Variants in LTAP1 observed in about 807,000 individuals in gnomAD.
The protein encoded by LTAP1 is HCV NS5A-transactivated protein 4.
the LTAP1 span, among the ~76,000 whole-genome samples, chr1:154,217,360 G>A: frequency 2.6e-5 from 4 of 152,190 alleles, no homozygotes; most frequent in South Asian, 6.2e-4. Context: ...TCACCACCAC[G>A]TCAATCAAAG....
the LTAP1 span, among the ~76,000 whole-genome samples, chr1:154,211,061 C>T: frequency 6.6e-6 from 1 of 151,354 alleles, no homozygotes. Flanking sequence ...AGCTGAAGTG[C>T]AATGGCATGA....
At chr1:154,218,278 C>T in the LTAP1 span, among the ~76,000 whole-genome samples, 1 of 152,136 alleles carries the variant, frequency 6.6e-6, no homozygotes, top group African/African-American at 2.4e-5. Flanking sequence ...CAGACAATGA[C>T]CAGTTATTTT....
the LTAP1 span, among the ~76,000 whole-genome samples, chr1:154,218,753 T>C: frequency 6.6e-6 from 1 of 151,882 alleles, no homozygotes; most frequent in Non-Finnish European, 1.5e-5. Context: ...TGAACAAAAC[T>C]GGCATGGTGC....
the LTAP1 span, among the ~76,000 whole-genome samples, chr1:154,219,410 A>G: frequency 1.3e-5 from 2 of 152,222 alleles, no homozygotes; most frequent in Admixed American, 6.5e-5. Flanking sequence ...TCTTGGTAAC[A>G]TGAATGGTGG....
At chr1:154,209,671 C>G in the LTAP1 span, among the ~76,000 whole-genome samples, 1 of 152,034 alleles carries the variant, frequency 6.6e-6, no homozygotes, top group African/African-American at 2.4e-5. Context: ...ACTGCAAGCT[C>G]CGCCTCCTGG....
chr1:154,216,237 T>C, the LTAP1 span, among the ~76,000 whole-genome samples: 1 of 152,210 alleles, frequency 6.6e-6, no homozygotes, highest in East Asian at 1.9e-4. Context: ...TTCACTGTTT[T>C]ATCGTGTCAC....
the LTAP1 span, chr1:154,207,496 T>C: frequency 6.2e-7 from 1 of 1,614,102 alleles, no homozygotes. Context: ...CTTAAAGCTC[T>C]TCAATTCAAG....
At chr1:154,212,514 T>C in the LTAP1 span, 4 of 1,614,186 alleles carry the variant, frequency 2.5e-6, no homozygotes, top group South Asian at 4.4e-5. Context: ...ATGAGTGCTT[T>C]GCGTACACCC....
At chr1:154,211,523 G>T in the LTAP1 span, among the ~76,000 whole-genome samples, 1 of 150,454 alleles carries the variant, frequency 6.6e-6, no homozygotes, top group African/African-American at 2.4e-5. Context: ...TTTTAGTAGA[G>T]ACAGGGTTTC....
chr1:154,208,654 AG>A, the LTAP1 span: 1 of 152,246 alleles, frequency 6.6e-6, no homozygotes, highest in Non-Finnish European at 1.5e-5. Flanking sequence ...AAACTAGTTA[AG>A]TGACAGACCT....
At chr1:154,208,216 A>C in the LTAP1 span, among the ~76,000 whole-genome samples, 5 of 152,172 alleles carry the variant, frequency 3.3e-5, no homozygotes, top group South Asian at 1.0e-3. Flanking sequence ...CCAGTCTGGG[A>C]AACAAAGTGA....
chr1:154,207,407 A>C, the LTAP1 span: 1 of 1,597,376 alleles, frequency 6.3e-7, no homozygotes, highest in African/African-American at 1.3e-5. Context: ...TGTCTTGCAC[A>C]TTGCAACTGA....
At chr1:154,212,217 TATC>T in the LTAP1 span, 1 of 1,217,626 alleles carries the variant, frequency 8.2e-7, no homozygotes, top group Non-Finnish European at 1.2e-6. Flanking sequence ...ACTCTTATGG[TATC>T]ATGGATTTTG....
At chr1:154,207,409 T>C in the LTAP1 span, 2 of 1,600,256 alleles carry the variant, frequency 1.2e-6, no homozygotes, top group Non-Finnish European at 1.7e-6. Flanking sequence ...TCTTGCACAT[T>C]GCAACTGACT....
At chr1:154,207,348 G>A in the LTAP1 span, 1 of 1,055,222 alleles carries the variant, frequency 9.5e-7, no homozygotes, top group Non-Finnish European at 1.4e-6. Flanking sequence ...GATGGATACA[G>A]TCTGGGCCTG....
At chr1:154,215,955 A>G in the LTAP1 span, among the ~76,000 whole-genome samples, 5 of 151,162 alleles carry the variant, frequency 3.3e-5, no homozygotes, top group Admixed American at 6.6e-5. Context: ...CTCCTGCCTC[A>G]GCCTCCCGAG....
At chr1:154,210,211 A>T in the LTAP1 span, among the ~76,000 whole-genome samples, 1 of 151,476 alleles carries the variant, frequency 6.6e-6, no homozygotes, top group Non-Finnish European at 1.5e-5. Flanking sequence ...GCTAATTTTT[A>T]TATTTTTAGT....
At chr1:154,219,480 A>G in the LTAP1 span, among the ~76,000 whole-genome samples, 1 of 152,194 alleles carries the variant, frequency 6.6e-6, no homozygotes. Context: ...AACCCTTCTC[A>G]TTGCTCTTGG....
the LTAP1 span, among the ~76,000 whole-genome samples, chr1:154,209,195 G>C: frequency 6.6e-6 from 1 of 152,002 alleles, no homozygotes; most frequent in African/African-American, 2.4e-5. Context: ...TTGCAAAACT[G>C]AAACTATACC....
Sources: gnomAD v4.1 joint callset for allele counts (sites outside exome capture counted in the v4.1 genomes callset) on GRCh38, gnomAD v4.1.1 for gene constraint, MANE v1.5 for transcripts, NCBI Gene and HGNC (gene_info 2026-07-23, HGNC 2026-07-21) for gene names.